PLXNB2: variants seen among roughly 807,000 people sequenced by gnomAD.
PLXNB2 encodes the protein plexin-B2.
PLXNB2 carries 85 observed loss-of-function variants against 202.6 expected under a neutral mutation model. The observed-to-expected ratio is 0.42, with a 90% confidence interval of 0.35 to 0.50. The LOEUF (loss-of-function observed/expected upper bound fraction) is 0.50. PLXNB2 is among the 20% of genes least tolerant of loss of function. The pLI is 0.02. For missense variants in PLXNB2, 2,063 were observed against 2,586.2 expected (o/e 0.80, Z 4.39); for synonymous variants, 1,239 against 1,137.6 (o/e 1.09, Z -1.79).
In PLXNB2 at chr22:50,285,797, C is replaced by T. The variant is rs28498116; in HGVS notation, c.2088+3G>A. The T allele has an allele frequency of 3.1e-6, 5 of 1,604,202 alleles. No homozygotes were observed. In the African/African-American group the frequency reaches 6.7e-5, roughly 22 times the overall value. On this transcript the variant is annotated splice_donor_region_variant and intron_variant, in intron 11 of 36. Transcript: ENST00000359337. ...TCACCAGCCGGCACCCCTCCCTCCG[C>T]ACCTTCACGGTGTCCAGGTTCTTGC...
chr22:50,285,121 A>T (rs903648250), intron 11 of PLXNB2, among the ~76,000 whole-genome samples: 1 of 152,022 alleles, frequency 6.6e-6, no homozygotes, highest in Non-Finnish European at 1.5e-5. Flanking sequence ...GTCGGGGGGC[A>T]CGGGTGGAGC....
At chr22:50,304,890 A>G (rs2067831963) in intron 1 of PLXNB2, among the ~76,000 whole-genome samples, 1 of 152,196 alleles carries the variant, frequency 6.6e-6, no homozygotes, top group Non-Finnish European at 1.5e-5. Context: ...AATTCTGAGC[A>G]GCTCACCACC....
Position 50,288,710 on chromosome 22 carries a change from C to G in PLXNB2, c.1380+33G>C. On this transcript the variant is annotated intron_variant, in intron 5 of 36. Transcript: ENST00000359337. This position sits in a 1 kb window ranked among gnomAD's most constrained non-coding sequence, Gnocchi z 5.0. ...GATGCAATGACCGGGCACACTTGGCCTAGAGTGCTCTCCGGGGCTGCGTCT... is the reference window on the plus strand; with the variant it reads ...GATGCAATGACCGGGCACACTTGGCGTAGAGTGCTCTCCGGGGCTGCGTCT... 1 of 1,610,732 alleles carries G rather than the reference C, an allele frequency of 6.2e-7. No individual in the cohort carries two copies. The highest frequency in any genetic ancestry group is 8.5e-7 in the Non-Finnish European group (1 of 1,179,050).
chr22:50,275,396 T>C lies in PLXNB2; in HGVS notation c.*308A>G. The C allele has an allele frequency of 2.0e-6, 1 of 496,868 alleles. No individual in the cohort carries two copies. The highest frequency in any genetic ancestry group is 3.9e-6 in the Non-Finnish European group (1 of 254,412). The allele number at this position is 496,868 out of a possible 1,614,324, so 30.8% of individuals were successfully genotyped here. Reference sequence around the variant, plus strand: ...TGCGTGGGCGGAGGCGGAGGCCAGCTGCCCCCAGCGTGGCAGCGTAAGGCA... The same window carrying C: ...TGCGTGGGCGGAGGCGGAGGCCAGCCGCCCCCAGCGTGGCAGCGTAAGGCA... On this transcript the variant is annotated 3_prime_UTR_variant, in exon 37 of 37. Coordinates refer to ENST00000359337, the MANE Select transcript of PLXNB2 (RefSeq NM_012401.4).
At chr22:50,300,228 G>A in intron 1 of PLXNB2, 2 of 972,704 alleles carry the variant, frequency 2.1e-6, no homozygotes, top group Non-Finnish European at 2.4e-6. Flanking sequence ...TGACGGCGGC[G>A]GCGACAGTCA....
At position 50,279,635 on chromosome 22, in the gene PLXNB2, G is replaced by A; in HGVS notation, c.4384C>T (p.Pro1462Ser). 1 of 1,613,708 alleles carries A rather than the reference G, an allele frequency of 6.2e-7. No homozygotes were observed. The highest frequency in any genetic ancestry group is 8.5e-7 in the Non-Finnish European group (1 of 1,179,928). Reference sequence around the variant, plus strand: ...CCCCCACCCCAGAAGCTCACCAGGGGTGCGTACTCCACATCATCCCCCAGC... The same window carrying A: ...CCCCCACCCCAGAAGCTCACCAGGGATGCGTACTCCACATCATCCCCCAGC... ...GLLGDDVEYA[P>S]LTVSVIVQDE... Residue 1462 changes from proline to serine, a missense_variant, in exon 27 of 37, where the codon CCC (proline) becomes TCC (serine). Transcript: ENST00000359337.
rs1301853661 is a variant in PLXNB2 at position 50,285,896 on chromosome 22, G to C, written c.1992C>G (p.Asp664Glu). The C allele has an allele frequency of 6.2e-7, 1 of 1,611,950 alleles. No homozygotes were observed. The highest frequency in any genetic ancestry group is 1.7e-5 in the Admixed American group (1 of 59,978). The change falls in exon 11 of 37, where the codon GAC becomes GAG. Residue 664 changes from aspartate to glutamate, a missense_variant. Physicochemically the swap from Asp to Glu is conservative, Grantham distance 45. Coordinates refer to ENST00000359337, the MANE Select transcript of PLXNB2 (RefSeq NM_012401.4). Reference sequence around the variant, plus strand: ...TGGGTCCCAGGAACTGGGGACAGCTGTCCTCCTGGGAGAGTAAGGCTGGTC... The same window carrying C: ...TGGGTCCCAGGAACTGGGGACAGCTCTCCTCCTGGGAGAGTAAGGCTGGTC... ...EDGIVRAHME[D>E]SCPQFLGPSP...
At chr22:50,281,538 C>T in intron 21 of PLXNB2, 28 bp downstream of exon 21, 3 of 1,606,984 alleles carry the variant, frequency 1.9e-6, no homozygotes, top group Non-Finnish European at 1.7e-6. Context: ...CCCGTGGGGG[C>T]ACCCCCCGCC....
chr22:50,278,053 G>A (rs1323624105), intron 31 of PLXNB2, 40 bp from the exon 32 acceptor site: 3 of 1,514,782 alleles, frequency 2.0e-6, no homozygotes, highest in African/African-American at 2.7e-5. Flanking sequence ...CGTGGGCGCG[G>A]CTCCTGGGGG....
In PLXNB2 at chr22:50,275,782, A is replaced by G. The variant is rs190255875; in HGVS notation, c.5439T>C (p.Pro1813=). 1,293 of 1,612,428 alleles carry G rather than the reference A, an allele frequency of 8.0e-4. 15 individuals carry two copies. In the African/African-American group the frequency reaches 0.015, roughly 19 times the overall value. ...DEIINALEED[P]AAQKMQLAFR... is the part of the protein sequence containing the mutation. Reference sequence around the variant, plus strand: ...AGGCCAGCTGCATCTTCTGGGCGGCAGGATCCTCCTCCAAGGCATTGATGA... The same window carrying G: ...AGGCCAGCTGCATCTTCTGGGCGGCGGGATCCTCCTCCAAGGCATTGATGA... The change falls in exon 37 of 37, where the codon CCT becomes CCC. Residue 1813 remains proline, a synonymous_variant. Transcript: ENST00000359337.
chr22:50,277,577 C>A lies in PLXNB2; in HGVS notation c.5196+14G>T. The A allele has an allele frequency of 6.4e-7, 1 of 1,554,990 alleles. No individual in the cohort carries two copies. Among genetic ancestry groups the A allele is most frequent in the Non-Finnish European group, 8.7e-7 (1 of 1,146,542 alleles). On this transcript the variant is annotated intron_variant, in intron 33 of 36. Transcript: ENST00000359337. ...CAGGCCTCCCTGCCCCAGACCTGCC[C>A]CCACCCCACTCACGCGGCTCAGCTT...
chr22:50,299,060 C>T (rs1205857370), intron 1 of PLXNB2, among the ~76,000 whole-genome samples: 2 of 152,180 alleles, frequency 1.3e-5, no homozygotes, highest in Non-Finnish European at 1.5e-5. Flanking sequence ...GGCTCTGGCA[C>T]GGGAACCAGA....
chr22:50,287,807 G>T lies in PLXNB2; in HGVS notation c.1482-14C>A. Reference sequence around the variant, plus strand: ...TTCCGGGTGCATCTGCAGGCGCAGGGGGCGGCCTCAGCCCAGGGTGGAGTC... The same window carrying T: ...TTCCGGGTGCATCTGCAGGCGCAGGTGGCGGCCTCAGCCCAGGGTGGAGTC... On this transcript the variant is annotated splice_polypyrimidine_tract_variant and intron_variant, in intron 6 of 36. Coordinates refer to ENST00000359337, the MANE Select transcript of PLXNB2 (RefSeq NM_012401.4). 1 of 1,595,960 alleles carries T rather than the reference G, an allele frequency of 6.3e-7. No individual in the cohort carries two copies. The highest frequency in any genetic ancestry group is 1.1e-5 in the South Asian group (1 of 90,212).
In PLXNB2 at chr22:50,289,042, A is replaced by G; in HGVS notation, c.1169T>C (p.Leu390Pro). 6.2e-7 allele frequency: 1 copy of G among 1,609,448 alleles called. No individual in the cohort carries two copies. The highest frequency in any genetic ancestry group is 8.5e-7 in the Non-Finnish European group (1 of 1,178,030). ...RGTAVLQRGG[L>P]NLTAVTVAAE... ...GGCGACCGTCACGGCCGTGAGGTTCAGGCCTCCACGCTGCAGCACGGCTGT... is the reference window on the plus strand; with the variant it reads ...GGCGACCGTCACGGCCGTGAGGTTCGGGCCTCCACGCTGCAGCACGGCTGT... Residue 390 changes from leucine (L) to proline (P), a missense_variant, in exon 4 of 37, where the codon CTG becomes CCG. Around this residue, in one of 2 missense-constraint regions of PLXNB2, gnomAD observed 1,303 missense variants for 1,476.8 expected, o/e 0.88. Coordinates refer to ENST00000359337, the MANE Select transcript of PLXNB2 (RefSeq NM_012401.4). This position sits in a 1 kb window ranked among gnomAD's most constrained non-coding sequence, Gnocchi z 8.0.
intron 2 of PLXNB2, among the ~76,000 whole-genome samples, chr22:50,292,521 G>A (rs1419332779): frequency 6.6e-6 from 1 of 152,132 alleles, no homozygotes; most frequent in Non-Finnish European, 1.5e-5. Flanking sequence ...GGCATGGGTG[G>A]GGCTGGGATT....
Position 50,305,677 on chromosome 22 carries a change from C to T in PLXNB2, c.-74+1876G>A, listed in dbSNP as rs549246065. Among the ~76,000 whole-genome samples, 72 of 152,290 alleles carry T rather than the reference C, an allele frequency of 4.7e-4. No homozygotes were observed. The South Asian group carries it at 9.5e-3, about 20-fold the overall frequency. On this transcript the variant is annotated intron_variant, in intron 1 of 36. Transcript: ENST00000359337. ...AGTGCCCTCCCTAGCAGCCTAGCCT[C>T]GCTCCTGCCTGCTCCTCCCTGGCAC...
Position 50,289,012 on chromosome 22 carries a change from T to A in PLXNB2, c.1199A>T (p.Glu400Val). Residue 400 changes from glutamate to valine, a missense_variant, in exon 4 of 37, where the codon GAG (glutamate) becomes GTG (valine). Coordinates refer to ENST00000359337, the MANE Select transcript of PLXNB2 (RefSeq NM_012401.4). This position sits in a 1 kb window ranked among gnomAD's most constrained non-coding sequence, Gnocchi z 8.0. Reference protein sequence around the residue: ...LNLTAVTVAAENNHTVAFLGT... With the variant: ...LNLTAVTVAAVNNHTVAFLGT... The stretch of plus-strand genomic sequence containing the variant: ...CAGAAAAGCAACAGTGTGGTTGTTC[T>A]CGGCGGCGACCGTCACGGCCGTGAG... 1 of 1,610,398 alleles carries A rather than the reference T, an allele frequency of 6.2e-7. No individual in the cohort carries two copies. Among genetic ancestry groups the A allele is most frequent in the Non-Finnish European group, 8.5e-7 (1 of 1,178,272 alleles).
chr22:50,289,251 C>T lies in PLXNB2; in HGVS notation c.1069-109G>A. 1 of 1,060,936 alleles carries T rather than the reference C, an allele frequency of 9.4e-7. No individual in the cohort carries two copies. The highest frequency in any genetic ancestry group is 1.3e-6 in the Non-Finnish European group (1 of 755,548). 65.7% of individuals were successfully genotyped at this position (1,060,936 alleles called of 1,614,324 possible). Reference sequence around the variant, plus strand: ...CCCTTCCCTTCCCTCCGGCACACGTCCTACACACGTCCCCGAGAACAGAAC... The same window carrying T: ...CCCTTCCCTTCCCTCCGGCACACGTTCTACACACGTCCCCGAGAACAGAAC... On this transcript the variant is annotated intron_variant, in intron 3 of 36. Coordinates refer to ENST00000359337, the MANE Select transcript of PLXNB2 (RefSeq NM_012401.4). This position sits in a 1 kb window ranked among gnomAD's most constrained non-coding sequence, Gnocchi z 8.0.
chr22:50,307,635 G>A lies in PLXNB2; in HGVS notation c.-156C>T. The A allele has an allele frequency of 7.1e-6, 7 of 981,902 alleles. No individual in the cohort carries two copies. Among genetic ancestry groups the A allele is most frequent in the Non-Finnish European group, 8.4e-6 (7 of 828,442 alleles). The allele number at this position is 981,902 out of a possible 1,614,324, so 60.8% of individuals were successfully genotyped here. ...GGCCCGCGCTGCTGCCATGGAGACG[G>A]GGCCTTTGTGTGGCCGAGGAGGGGC... On this transcript the variant is annotated 5_prime_UTR_variant, in exon 1 of 37. Transcript: ENST00000359337.
Sources: allele counts gnomAD v4.1 joint callset (sites outside exome capture counted in the v4.1 genomes callset), GRCh38; gene constraint gnomAD v4.1.1; regional missense constraint gnomAD v4.1.1; non-coding constraint Gnocchi (gnomAD v3.1); transcripts MANE v1.5; gene names NCBI Gene and HGNC (gene_info 2026-07-23, HGNC 2026-07-21).